CSMD2: variants seen among roughly 807,000 people sequenced by gnomAD.
CSMD2 encodes the protein CUB and sushi domain-containing protein 2.
CSMD2 carries 130 observed loss-of-function variants against 398.5 expected under a neutral mutation model. That is an observed-to-expected ratio of 0.33 (90% CI 0.28 to 0.38). The LOEUF (loss-of-function observed/expected upper bound fraction) is 0.38. CSMD2 is among the 10% of genes least tolerant of loss of function. CSMD2 has a pLI of 1.00. For missense variants in CSMD2, 3,829 were observed against 4,764.9 expected, an observed-to-expected ratio of 0.80 and a Z score of 5.78; for synonymous variants, 1,828 against 1,908.5, an observed-to-expected ratio of 0.96 and a Z score of 1.10.
chr1:33,743,889 C>A (rs1342287694), intron 13 of CSMD2, among the ~76,000 whole-genome samples: 1 of 152,166 alleles, frequency 6.6e-6, no homozygotes, highest in South Asian at 2.1e-4. Context: ...ACCTAGGATG[C>A]GGCCCAGATT....
intron 10 of CSMD2, chr1:33,804,789 T>C (rs1656026004): frequency 2.8e-6 from 2 of 717,466 alleles, no homozygotes; most frequent in East Asian, 2.7e-5. Flanking sequence ...ACAGCATCCA[T>C]TGTCCTTGCT....
chr1:33,710,793 T>C (rs1254954699), intron 21 of CSMD2, among the ~76,000 whole-genome samples: 1 of 151,466 alleles, frequency 6.6e-6, no homozygotes, highest in Non-Finnish European at 1.5e-5. Flanking sequence ...GCTCATGGGC[T>C]TAGTTATACA....
At chr1:34,137,560 A>C (rs1638877357) in intron 1 of CSMD2, among the ~76,000 whole-genome samples, 2 of 151,570 alleles carry the variant, frequency 1.3e-5, no homozygotes, top group South Asian at 4.2e-4. Context: ...TCCCTCCTTC[A>C]CCCTTCTGCC....
intron 2 of CSMD2, among the ~76,000 whole-genome samples, chr1:34,074,814 G>T (rs1656138168): frequency 6.6e-6 from 1 of 152,152 alleles, no homozygotes; most frequent in Admixed American, 6.5e-5. Flanking sequence ...GTTTGACCAG[G>T]TTGTGAGGAA....
intron 19 of CSMD2, among the ~76,000 whole-genome samples, chr1:33,720,011 G>GC (rs1302323039): frequency 6.6e-6 from 1 of 152,198 alleles, no homozygotes; most frequent in African/African-American, 2.4e-5. Flanking sequence ...CAGGTGGCAA[G>GC]TTGAACTATT....
chr1:33,900,594 T>C (rs1319373413), intron 5 of CSMD2, among the ~76,000 whole-genome samples: 1 of 152,140 alleles, frequency 6.6e-6, no homozygotes, highest in Admixed American at 6.5e-5. Context: ...CTGGCCAACA[T>C]GGTGAAACCT....
intron 5 of CSMD2, chr1:33,864,240 G>A (rs752852710): frequency 3.0e-5 from 49 of 1,612,632 alleles, no homozygotes; most frequent in East Asian, 1.1e-4. Context: ...CTCTTCTTAC[G>A]TTCACTTTTT....
chr1:33,526,839 T>G (rs1654818622), intron 65 of CSMD2, among the ~76,000 whole-genome samples: 2 of 152,228 alleles, frequency 1.3e-5, no homozygotes, highest in Non-Finnish European at 2.9e-5. Context: ...AGACCTATCT[T>G]AAACTGTAAC....
intron 3 of CSMD2, among the ~76,000 whole-genome samples, chr1:33,996,494 G>A (rs1266231251): frequency 6.6e-6 from 1 of 152,194 alleles, no homozygotes; most frequent in Admixed American, 6.5e-5. Context: ...TCATCCTGAA[G>A]CTACTGAGAG....
intron 12 of CSMD2, among the ~76,000 whole-genome samples, chr1:33,786,520 T>C (rs1031206450): frequency 2.6e-5 from 4 of 152,258 alleles, no homozygotes; most frequent in Non-Finnish European, 4.4e-5. Context: ...CTCATTGAAC[T>C]ACCTGTGTAC....
At chr1:34,134,510 T>C (rs1638508936) in intron 1 of CSMD2, among the ~76,000 whole-genome samples, 1 of 152,120 alleles carries the variant, frequency 6.6e-6, no homozygotes, top group Non-Finnish European at 1.5e-5. Flanking sequence ...GTATATAATC[T>C]TAAAGGGAAA....
At chr1:34,059,656 T>C (rs1206414070) in intron 2 of CSMD2, among the ~76,000 whole-genome samples, 3 of 152,182 alleles carry the variant, frequency 2.0e-5, no homozygotes, top group South Asian at 4.1e-4. Context: ...TAACATATTA[T>C]ATGGTCTCCC....
At chr1:33,804,853 T>C in intron 10 of CSMD2, 2 of 717,448 alleles carry the variant, frequency 2.8e-6, no homozygotes, top group South Asian at 3.0e-5. Context: ...GTTTCCACAC[T>C]TAGACCCTCC....
chr1:34,031,314 C>T (rs1366369755), intron 3 of CSMD2, among the ~76,000 whole-genome samples: 5 of 152,096 alleles, frequency 3.3e-5, no homozygotes, highest in South Asian at 2.1e-4. Context: ...TCACTCGCCT[C>T]GTCCTCCCAA....
chr1:33,562,783 C>T (rs1658693432), intron 53 of CSMD2, among the ~76,000 whole-genome samples: 2 of 152,080 alleles, frequency 1.3e-5, no homozygotes, highest in Non-Finnish European at 2.9e-5. Context: ...CAGTTGAAGG[C>T]CTTGAGAGAA....
intron 12 of CSMD2, among the ~76,000 whole-genome samples, chr1:33,773,732 A>C (rs1426162152): frequency 6.6e-6 from 1 of 152,204 alleles, no homozygotes; most frequent in Non-Finnish European, 1.5e-5. Flanking sequence ...CAGGATAGAC[A>C]GGAGGTCATG....
chr1:33,571,731 G>T lies in CSMD2; in HGVS notation c.7763-5C>A. On this transcript the variant is annotated splice_region_variant and splice_polypyrimidine_tract_variant and intron_variant, in intron 50 of 70. Transcript: ENST00000373381. The stretch of plus-strand genomic sequence containing the variant: ...TGACATCAGGACAAGTCACAGCTGG[G>T]GAAATGAGGAAAAGAAAGGAGGATT... 1 of 1,458,594 alleles carries T rather than the reference G, an allele frequency of 6.9e-7. No homozygotes were observed. The allele number at this position is 1,458,594 out of a possible 1,614,324, so 90.4% of individuals were successfully genotyped here. A position where few individuals can be genotyped will look rare whatever the true frequency, so the allele number is the denominator to read the frequency against.
chr1:33,998,421 C>T (rs1646794020), intron 3 of CSMD2, among the ~76,000 whole-genome samples: 2 of 152,238 alleles, frequency 1.3e-5, no homozygotes, highest in African/African-American at 4.8e-5. Context: ...ACTAAGATCT[C>T]CAGCTCACGT....
intron 13 of CSMD2, among the ~76,000 whole-genome samples, chr1:33,757,014 G>A (rs1182679187): frequency 6.6e-6 from 1 of 152,078 alleles, no homozygotes; most frequent in Non-Finnish European, 1.5e-5. Flanking sequence ...GTAGGGACAT[G>A]GATGAAACTG....
Sources: allele counts gnomAD v4.1 joint callset (sites outside exome capture counted in the v4.1 genomes callset), GRCh38; gene constraint gnomAD v4.1.1; transcripts MANE v1.5; gene names NCBI Gene and HGNC (gene_info 2026-07-23, HGNC 2026-07-21).